Variants in GLDC observed in about 807,000 individuals in gnomAD.
GLDC encodes the protein glycine dehydrogenase (decarboxylating), mitochondrial.
GLDC carries 104 observed loss-of-function variants against 121.3 expected under a neutral mutation model. That is an observed-to-expected ratio of 0.86 (90% CI 0.73 to 1.01). GLDC has a LOEUF of 1.01. GLDC is among the 50% of genes least tolerant of loss of function. GLDC has a pLI of 0.00. For synonymous variants in GLDC, 546 were observed against 480.6 expected, an observed-to-expected ratio of 1.14 and a Z score of -1.78; for missense variants, 1,429 against 1,306.6, an observed-to-expected ratio of 1.09 and a Z score of -1.44.
intron 24 of GLDC, 147 bp downstream of exon 24, chr9:6,534,561 T>A: frequency 1.5e-6 from 1 of 651,702 alleles, no homozygotes; most frequent in Non-Finnish European, 2.8e-6. Flanking sequence ...AGCCAATTTC[T>A]TTGCTCCTCA....
chr9:6,644,591 A>G (rs1470251685), intron 2 of GLDC, 23 bp downstream of exon 2: 2 of 1,535,850 alleles, frequency 1.3e-6, no homozygotes, highest in Non-Finnish European at 1.8e-6. Flanking sequence ...TCTAAGTCCA[A>G]GGGAGCCCTC....
chr9:6,572,662 A>G (rs887834260), intron 15 of GLDC, among the ~76,000 whole-genome samples: 3 of 152,208 alleles, frequency 2.0e-5, no homozygotes, highest in Non-Finnish European at 2.9e-5. Flanking sequence ...TATTTCCCAC[A>G]GTGAAGATGG....
Position 6,550,659 on chromosome 9 carries a change from G to C in GLDC, c.2569+144C>G, listed in dbSNP as rs983293220. 5 of 702,614 alleles carry C rather than the reference G, an allele frequency of 7.1e-6. No homozygotes were observed. The African/African-American group carries it at 9.0e-5, about 13-fold the overall frequency. The allele number at this position is 702,614 out of a possible 1,614,324, so 43.5% of individuals were successfully genotyped here. On this transcript the variant is annotated intron_variant, in intron 21 of 24. Transcript: ENST00000321612. ...ACAAGATAAAATAAAATAAACCCGA[G>C]TTATTTCCAAGAACTCTACACTATT...
intron 4 of GLDC, among the ~76,000 whole-genome samples, chr9:6,608,421 C>CA (rs895826574): frequency 1.4e-4 from 20 of 145,988 alleles, no homozygotes; most frequent in African/African-American, 2.8e-4. Flanking sequence ...GACTCTGTCT[C>CA]AAAAAAAACA....
At chr9:6,580,440 C>A (rs1044672686) in intron 15 of GLDC, among the ~76,000 whole-genome samples, 19 of 152,190 alleles carry the variant, frequency 1.2e-4, no homozygotes, top group Non-Finnish European at 2.9e-5. Flanking sequence ...CCAGACCCTG[C>A]ATGCCAGAAC....
chr9:6,619,142 C>A (rs949167400), intron 3 of GLDC, among the ~76,000 whole-genome samples: 45 of 71,122 alleles, frequency 6.3e-4, no homozygotes, highest in East Asian at 1.3e-3. Flanking sequence ...GACTCTGTCT[C>A]AGGCAAAAAA....
At chr9:6,586,571 A>T (rs1818276299) in intron 15 of GLDC, among the ~76,000 whole-genome samples, 1 of 152,156 alleles carries the variant, frequency 6.6e-6, no homozygotes, top group Admixed American at 6.5e-5. Flanking sequence ...AAACTGAGAC[A>T]CTTGTTGGAA....
At chr9:6,581,660 T>C (rs12004478) in intron 15 of GLDC, among the ~76,000 whole-genome samples, 41,624 of 152,020 alleles carry the variant, frequency 0.27, 5,845 homozygotes, top group Admixed American at 0.32. Flanking sequence ...AATTGCACCA[T>C]GGTAGATCAT....
intron 21 of GLDC, among the ~76,000 whole-genome samples, chr9:6,549,456 G>A (rs1817464563): frequency 6.6e-6 from 1 of 152,198 alleles, no homozygotes; most frequent in Non-Finnish European, 1.5e-5. Context: ...GAGGCACTGT[G>A]CCAAGCACTG....
chr9:6,639,459 C>T (rs1489724963), intron 2 of GLDC: 3 of 911,718 alleles, frequency 3.3e-6, no homozygotes, highest in East Asian at 2.4e-5. Context: ...AGTCAACAAG[C>T]ACCAGATTAA....
chr9:6,574,770 TG>T (rs1018658070), intron 15 of GLDC, among the ~76,000 whole-genome samples: 19 of 152,202 alleles, frequency 1.2e-4, no homozygotes, highest in African/African-American at 4.6e-4. Flanking sequence ...CTCTCATATT[TG>T]GCCCCCAGAG....
chr9:6,582,218 A>G (rs1271840931), intron 15 of GLDC, among the ~76,000 whole-genome samples: 3 of 147,756 alleles, frequency 2.0e-5, no homozygotes, highest in African/African-American at 7.5e-5. Flanking sequence ...TCGTCTCAAA[A>G]AAAAAAAAAA....
chr9:6,616,010 T>G (rs116352411), intron 3 of GLDC, among the ~76,000 whole-genome samples: 2,750 of 152,272 alleles, frequency 0.018, 84 homozygotes, highest in African/African-American at 0.062. Flanking sequence ...GATTGGGCAC[T>G]ACAGCCTCAA....
chr9:6,561,959 C>G (rs553102171), intron 16 of GLDC, among the ~76,000 whole-genome samples: 1 of 152,328 alleles, frequency 6.6e-6, no homozygotes, highest in South Asian at 2.1e-4. Flanking sequence ...TATTCCCATA[C>G]AGGTTTTGAG....
At chr9:6,540,022 C>T (rs778823649) in intron 22 of GLDC, 29 bp downstream of exon 22, 30 of 1,374,674 alleles carry the variant, frequency 2.2e-5, no homozygotes, top group Admixed American at 6.7e-5. Context: ...CCAGCATGGG[C>T]GGCGGCATGA....
At chr9:6,631,949 C>G (rs1400354251) in intron 2 of GLDC, among the ~76,000 whole-genome samples, 1 of 152,004 alleles carries the variant, frequency 6.6e-6, no homozygotes, top group Admixed American at 6.6e-5. Context: ...GCCTGTAGTC[C>G]AGATACTCAG....
chr9:6,606,507 T>C lies in GLDC; in HGVS notation c.713+85A>G, dbSNP rs1818736281. On this transcript the variant is annotated intron_variant, in intron 5 of 24. Coordinates refer to ENST00000321612, the MANE Select transcript of GLDC (RefSeq NM_000170.3). ...AACCCTGTTTCAGATTCACCTCCAATCAGTTTGGAAGTGAGAAAGAGAAAG... is the reference window on the plus strand; with the variant it reads ...AACCCTGTTTCAGATTCACCTCCAACCAGTTTGGAAGTGAGAAAGAGAAAG... The C allele has an allele frequency of 4.4e-6, 4 of 905,662 alleles. No homozygotes were observed. The Admixed American group carries it at 6.8e-5, about 15-fold the overall frequency. The allele number at this position is 905,662 out of a possible 1,614,324, so 56.1% of individuals were successfully genotyped here.
intron 20 of GLDC, among the ~76,000 whole-genome samples, chr9:6,551,729 G>C (rs1410092837): frequency 6.6e-6 from 1 of 152,064 alleles, no homozygotes; most frequent in African/African-American, 2.4e-5. Flanking sequence ...AAAGAGAAAG[G>C]AGAAGGTATA....
At chr9:6,565,690 A>G in intron 15 of GLDC, 1 of 596,852 alleles carries the variant, frequency 1.7e-6, no homozygotes, top group Non-Finnish European at 3.0e-6. Context: ...ATCCTTGCTC[A>G]GGACCACGCA....
Sources: allele counts gnomAD v4.1 joint callset (sites outside exome capture counted in the v4.1 genomes callset), GRCh38; gene constraint gnomAD v4.1.1; transcripts MANE v1.5; gene names NCBI Gene and HGNC (gene_info 2026-07-23, HGNC 2026-07-21).